The following SLC7A7 variants were observed in gnomAD, a reference collection of about 807,000 sequenced individuals.
SLC7A7 encodes the protein solute carrier family 7 member 7.
SLC7A7 carries 39 observed loss-of-function variants against 47.9 expected under a neutral mutation model. That is an observed-to-expected ratio of 0.81 (90% CI 0.63 to 1.06). The LOEUF is 1.06. Ranked by LOEUF, SLC7A7 falls within the 50% of genes least tolerant of loss-of-function variation. SLC7A7 has a pLI of 0.00. For synonymous variants in SLC7A7, 234 were observed against 242.8 expected, an observed-to-expected ratio of 0.96 and a Z score of 0.34; for missense variants, 588 against 632.0, an observed-to-expected ratio of 0.93 and a Z score of 0.75.
intron 2 of SLC7A7, among the ~76,000 whole-genome samples, chr14:22,808,730 C>T (rs1316759367): frequency 2.0e-5 from 3 of 152,212 alleles, no homozygotes; most frequent in Non-Finnish European, 4.4e-5. Context: ...GTCTTGGTTG[C>T]CCTTCTGAAC....
intron 2 of SLC7A7, among the ~76,000 whole-genome samples, chr14:22,794,038 A>T (rs7157097): frequency 6.6e-6 from 1 of 151,946 alleles, no homozygotes; most frequent in Non-Finnish European, 1.5e-5. Flanking sequence ...ATTCCCTGTG[A>T]TTTCATCTCT....
chr14:22,783,525 C>T (rs914812748), intron 2 of SLC7A7, among the ~76,000 whole-genome samples: 1 of 151,812 alleles, frequency 6.6e-6, no homozygotes, highest in Admixed American at 6.6e-5. Context: ...CTCAGCCTCC[C>T]GAGTAGCTAG....
At chr14:22,804,722 G>A (rs763290346) in intron 2 of SLC7A7, among the ~76,000 whole-genome samples, 6 of 152,176 alleles carry the variant, frequency 3.9e-5, no homozygotes, top group Non-Finnish European at 1.5e-5. Context: ...GTCAGGCATG[G>A]TGGTTCACAT....
intron 2 of SLC7A7, among the ~76,000 whole-genome samples, chr14:22,808,941 A>T (rs1437278883): frequency 6.6e-6 from 1 of 152,222 alleles, no homozygotes; most frequent in African/African-American, 2.4e-5. Context: ...ACTGAATCTC[A>T]TTCCATTCTC....
intron 2 of SLC7A7, among the ~76,000 whole-genome samples, chr14:22,791,830 C>A (rs574739376): frequency 2.2e-5 from 1 of 45,478 alleles, no homozygotes; most frequent in East Asian, 7.7e-4. Context: ...AATCTCTACA[C>A]CTTTTTTTTT....
At chr14:22,773,761 G>C (rs768044505) in intron 9 of SLC7A7, 45 bp from the exon 10 acceptor site, 1 of 1,592,720 alleles carries the variant, frequency 6.3e-7, no homozygotes, top group Non-Finnish European at 8.6e-7. Flanking sequence ...GGTCAGCTGG[G>C]CTGAGTTCAA....
chr14:22,794,180 T>G lies in SLC7A7; in HGVS notation c.500-14129A>C, dbSNP rs537108651. Reference sequence around the variant, plus strand: ...CTCCGGTCTCCCGCACAGCCGGCTCTGTGTGAATTACTCATTATTGCAATA... The same window carrying G: ...CTCCGGTCTCCCGCACAGCCGGCTCGGTGTGAATTACTCATTATTGCAATA... On this transcript the variant is annotated intron_variant, in intron 2 of 9. Coordinates refer to ENST00000674313, the MANE Select transcript of SLC7A7 (RefSeq NM_003982.4). Among the ~76,000 whole-genome samples the G allele has an allele frequency of 3.9e-5, 6 of 152,356 alleles. No homozygotes were observed. In the South Asian group the frequency reaches 1.0e-3, roughly 26 times the overall value.
chr14:22,775,527 C>T lies in SLC7A7; in HGVS notation c.1012G>A (p.Gly338Ser), dbSNP rs755387204. 21 of 1,613,992 alleles carry T rather than the reference C, an allele frequency of 1.3e-5. No homozygotes were observed. In the East Asian group the frequency reaches 4.7e-4, roughly 36 times the overall value. The change falls in exon 7 of 10, where the codon GGC becomes AGC. Residue 338 changes from glycine (G) to serine (S), a missense_variant. Coordinates refer to ENST00000674313, the MANE Select transcript of SLC7A7 (RefSeq NM_003982.4). ...IVAASRLFFVGSREGHLPDAI... is the reference protein window; with the variant it reads ...IVAASRLFFVSSREGHLPDAI... ...TCAGGGAGATGGCCTTCTCTTGAGC[C>T]CACAAAGAAAAGCCTATGTTAGGTA...
intron 2 of SLC7A7, among the ~76,000 whole-genome samples, chr14:22,792,677 C>T (rs1299629618): frequency 6.6e-6 from 1 of 151,894 alleles, no homozygotes; most frequent in Non-Finnish European, 1.5e-5. Context: ...ACCAACATGG[C>T]AAAACCCCGT....
chr14:22,773,538 CT>C lies in SLC7A7; in HGVS notation c.*71del, dbSNP rs1467518337. On this transcript the variant is annotated 3_prime_UTR_variant, in exon 10 of 10. Transcript: ENST00000674313. ...GGTGCCTCCAAAGAAGTGAGCTTTC[CT>C]TTTCAACTTCCTTAGCTCTAGCCAG... is the stretch of plus-strand genomic sequence containing the variant. 7.3e-7 allele frequency: 1 copy of C among 1,378,956 alleles called. No individual in the cohort carries two copies. Among genetic ancestry groups the C allele is most frequent in the East Asian group, 2.3e-5 (1 of 43,658 alleles). The allele number at this position is 1,378,956 out of a possible 1,614,324, so 85.4% of individuals were successfully genotyped here.
chr14:22,792,803 A>G, intron 2 of SLC7A7, among the ~76,000 whole-genome samples: 1 of 140,864 alleles, frequency 7.1e-6, no homozygotes, highest in African/African-American at 2.6e-5. Context: ...GGTTGCAGTG[A>G]GCCGAGATTG....
intron 2 of SLC7A7, among the ~76,000 whole-genome samples, chr14:22,803,472 C>G (rs55991936): frequency 0.18 from 27,715 of 152,054 alleles, 2,747 homozygotes; most frequent in African/African-American, 0.23. Flanking sequence ...ATTTTAGATA[C>G]GATAGGTCTC....
rs1484357223 is a variant in SLC7A7, at chr14:22,774,501, A to G, written c.1098T>C (p.Gly366=). Residue 366 remains glycine (G), a splice_region_variant and synonymous_variant, in exon 8 of 10, where the codon GGT becomes GGC. Coordinates refer to ENST00000674313, the MANE Select transcript of SLC7A7 (RefSeq NM_003982.4). ...FTPVPSLLFN[G]IMALIYLCVE... ...CGCACAAGTAGATCAATGCCATGAT[A>G]CCCTGTAAGCGTGAGCCTAAGTCAG... The G allele has an allele frequency of 6.2e-7, 1 of 1,613,956 alleles. No homozygotes were observed. The highest frequency in any genetic ancestry group is 1.3e-5 in the African/African-American group (1 of 74,892).
Position 22,795,436 on chromosome 14 carries a change from TTC to T in SLC7A7, c.500-15387_500-15386del, listed in dbSNP as rs1234361257. On this transcript the variant is annotated intron_variant, in intron 2 of 9. Coordinates refer to ENST00000674313, the MANE Select transcript of SLC7A7 (RefSeq NM_003982.4). ...TTTCTTTCTTTCTTTCTTTCTTTCT[TTC>T]TTTCTTTTCTATTCTTTTCTTTTCT... 3.3e-5 allele frequency among the ~76,000 whole-genome samples: 4 copies of T among 120,296 alleles called. 1 individual carries two copies. Among genetic ancestry groups the T allele is most frequent in the Non-Finnish European group, 5.1e-5 (3 of 59,286 alleles). 78.9% of individuals were successfully genotyped at this position (120,296 alleles called of 152,430 possible). A position where few individuals can be genotyped will look rare whatever the true frequency, so the allele number is the denominator to read the frequency against.
intron 2 of SLC7A7, among the ~76,000 whole-genome samples, chr14:22,780,914 CA>C (rs1239423756): frequency 2.6e-5 from 4 of 152,126 alleles, no homozygotes; most frequent in African/African-American, 9.7e-5. Flanking sequence ...AAAAAAGTTA[CA>C]ATCTACGACT....
chr14:22,815,839 T>A, upstream of SLC7A7: 1 of 371,544 alleles, frequency 2.7e-6, no homozygotes, highest in South Asian at 2.0e-5. Flanking sequence ...ACCCCAAGCA[T>A]TTAAGAAAGG....
rs1248293605 is a variant in SLC7A7 at position 22,793,055 on chromosome 14, T to TAC, written c.500-13006_500-13005dup. 1.2e-4 allele frequency among the ~76,000 whole-genome samples: 18 copies of TAC among 151,588 alleles called. No homozygotes were observed. The East Asian group carries it at 3.6e-3, about 30-fold the overall frequency. On this transcript the variant is annotated intron_variant, in intron 2 of 9. Coordinates refer to ENST00000674313, the MANE Select transcript of SLC7A7 (RefSeq NM_003982.4). ...CCTCAGCCTCCCAAGTAGCTGAGAC[T>TAC]ACAGGCGCCCGCCACCAAGCCCAGC...
rs549567951 is a variant in SLC7A7 at position 22,788,564 on chromosome 14, C to T, written c.500-8513G>A. ...ACTAAAAATACAAAAATTAGCTGGG[C>T]GTGGTGGCGGGCACCTGTCATCCCA... On this transcript the variant is annotated intron_variant, in intron 2 of 9. Transcript: ENST00000674313. Among the ~76,000 whole-genome samples, 187 of 151,726 alleles carry T rather than the reference C, an allele frequency of 1.2e-3. 1 individual carries two copies. The highest frequency in any genetic ancestry group is 8.2e-3 in the Admixed American group (125 of 15,232).
intron 7 of SLC7A7, among the ~76,000 whole-genome samples, chr14:22,775,168 CG>C (rs1463022668): frequency 6.6e-6 from 1 of 152,072 alleles, no homozygotes. Context: ...TCTTAAACAC[CG>C]TATCACTCAC....
Sources: gnomAD v4.1 joint callset for allele counts (sites outside exome capture counted in the v4.1 genomes callset) on GRCh38, gnomAD v4.1.1 for gene constraint, MANE v1.5 for transcripts, NCBI Gene and HGNC (gene_info 2026-07-23, HGNC 2026-07-21) for gene names.